Variants in ACTN1 observed in about 807,000 individuals in gnomAD.
ACTN1 encodes the protein alpha-actinin-1.
A neutral mutation model predicts 119.6 loss-of-function variants in ACTN1; 30 were observed. The observed-to-expected ratio is 0.25, with a 90% CI of 0.19 to 0.34. The LOEUF (loss-of-function observed/expected upper bound fraction) is 0.34. ACTN1 is among the 10% of genes least tolerant of loss of function. The pLI is 1.00. For synonymous variants in ACTN1, 429 were observed against 472.6 expected (o/e 0.91, Z 1.20); for missense variants, 764 against 1,223.4 (o/e 0.62, Z 5.60).
intron 1 of ACTN1, among the ~76,000 whole-genome samples, chr14:68,937,858 G>A (rs1369827278): frequency 6.6e-6 from 1 of 152,204 alleles, no homozygotes; most frequent in Non-Finnish European, 1.5e-5. Flanking sequence ...TGGGCGGGGT[G>A]TGTGAACCAG....
chr14:68,946,083 C>G (rs1303194721), intron 1 of ACTN1, among the ~76,000 whole-genome samples: 1 of 152,120 alleles, frequency 6.6e-6, no homozygotes, highest in Non-Finnish European at 1.5e-5. Context: ...CAGGCTCAGT[C>G]AGCGTGACTC....
At chr14:68,966,043 C>A (rs540243793) in intron 1 of ACTN1, among the ~76,000 whole-genome samples, 2 of 151,990 alleles carry the variant, frequency 1.3e-5, no homozygotes, top group Non-Finnish European at 2.9e-5. Flanking sequence ...CACAGCAAGA[C>A]CCTGTCCCTA....
intron 3 of ACTN1, among the ~76,000 whole-genome samples, chr14:68,915,596 G>C (rs1178525457): frequency 6.6e-6 from 1 of 152,226 alleles, no homozygotes; most frequent in Admixed American, 6.5e-5. Flanking sequence ...ACGAATGAGT[G>C]AACAAACACT....
chr14:68,888,545 G>C (rs186063838), intron 11 of ACTN1, among the ~76,000 whole-genome samples: 202 of 152,134 alleles, frequency 1.3e-3, no homozygotes, highest in Non-Finnish European at 2.2e-3. Flanking sequence ...AGGGGAACTA[G>C]AGCCAACCCC....
In ACTN1 at chr14:68,896,475, C is replaced by T. The variant is rs374085163; in HGVS notation, c.763-2728G>A. On this transcript the variant is annotated intron_variant, in intron 8 of 21. Coordinates refer to ENST00000394419, the MANE Select transcript of ACTN1 (RefSeq NM_001130004.2). The stretch of plus-strand genomic sequence containing the variant: ...GGCCGCTGGGGGTGACAGGCCTTCC[C>T]CATCACCGCAAACTCCTGGTTTTCT... Among the ~76,000 whole-genome samples the T allele has an allele frequency of 4.6e-5, 7 of 152,280 alleles. No individual in the cohort carries two copies. The South Asian group carries it at 1.0e-3, about 23-fold the overall frequency.
chr14:68,938,785 T>G (rs1236525881), intron 1 of ACTN1, among the ~76,000 whole-genome samples: 2 of 152,160 alleles, frequency 1.3e-5, no homozygotes, highest in East Asian at 3.9e-4. Context: ...TGCTCTCACT[T>G]CCCATCCACT....
At chr14:68,973,303 C>T (rs1366794104) in intron 1 of ACTN1, among the ~76,000 whole-genome samples, 2 of 152,130 alleles carry the variant, frequency 1.3e-5, no homozygotes, top group Admixed American at 6.5e-5. Flanking sequence ...TCCCATAATC[C>T]CCACATGTCG....
In ACTN1 at chr14:68,890,252, A is replaced by G. The variant is rs769605753; in HGVS notation, c.1121T>C (p.Val374Ala). 1 of 1,614,098 alleles carries G rather than the reference A, an allele frequency of 6.2e-7. No homozygotes were observed. The highest frequency in any genetic ancestry group is 8.5e-7 in the Non-Finnish European group (1 of 1,180,012). Residue 374 changes from valine (V) to alanine (A), a missense_variant, in exon 11 of 22, where the codon GTG becomes GCG. Around this residue, in one of 4 missense-constraint regions of ACTN1, gnomAD observed 544 missense variants for 912.0 expected, o/e 0.60. Coordinates refer to ENST00000394419, the MANE Select transcript of ACTN1 (RefSeq NM_001130004.2). ...CAACCACTCCTCATAGCCCTTCTCC[A>G]CCTGCTCCAGGCAGCCCCAGGCATT... ...INNAWGCLEQ[V>A]EKGYEEWLLN...
chr14:68,896,186 G>A (rs927704020), intron 8 of ACTN1, among the ~76,000 whole-genome samples: 1 of 152,122 alleles, frequency 6.6e-6, no homozygotes, highest in African/African-American at 2.4e-5. Context: ...GCAGGTTCCT[G>A]AAGTCCAGAT....
intron 1 of ACTN1, among the ~76,000 whole-genome samples, chr14:68,976,603 C>T (rs2037069527): frequency 6.6e-6 from 1 of 152,228 alleles, no homozygotes; most frequent in African/African-American, 2.4e-5. Flanking sequence ...GCCCAAAGCA[C>T]GTGTCGGCTC....
rs2031115624 is a variant in ACTN1, at chr14:68,878,263, T to C, written c.2427+195A>G. 1 of 685,982 alleles carries C rather than the reference T, an allele frequency of 1.5e-6. No individual in the cohort carries two copies. The highest frequency in any genetic ancestry group is 2.3e-6 in the Non-Finnish European group (1 of 436,436). 42.5% of individuals were successfully genotyped at this position (685,982 alleles called of 1,614,324 possible). A position where few individuals can be genotyped will look rare whatever the true frequency, so the allele number is the denominator to read the frequency against. On this transcript the variant is annotated intron_variant, in intron 20 of 21. Transcript: ENST00000394419. The surrounding 1 kb of genome is among the most constrained non-coding windows in gnomAD (Gnocchi z 4.4). ...GAGATTGAGGCGAGGAGGTCAGGCC[T>C]CCCGGATACACACACGCCCGTGGCC...
intron 1 of ACTN1, among the ~76,000 whole-genome samples, chr14:68,976,588 A>G (rs1197238996): frequency 6.6e-6 from 1 of 152,056 alleles, no homozygotes; most frequent in African/African-American, 2.4e-5. Flanking sequence ...CCCTCCATCA[A>G]CCCCGCCCAA....
At chr14:68,899,157 CCACA>C (rs1226052377) in intron 8 of ACTN1, among the ~76,000 whole-genome samples, 13 of 146,834 alleles carry the variant, frequency 8.9e-5, no homozygotes, top group African/African-American at 2.5e-4. Context: ...ACACCTCACA[CCACA>C]CACACACCTC....
chr14:68,878,581 G>C lies in ACTN1; in HGVS notation c.2362-58C>G, dbSNP rs1248188310. The C allele has an allele frequency of 6.2e-7, 1 of 1,608,286 alleles. No homozygotes were observed. The highest frequency in any genetic ancestry group is 8.5e-7 in the Non-Finnish European group (1 of 1,177,494). ...GGGTCGGGAAGGCAGGAAGAGGAAG[G>C]GCCGGCCCGGGGCCAGGAAGACAGG... On this transcript the variant is annotated intron_variant, in intron 19 of 21. Transcript: ENST00000394419. The surrounding 1 kb of genome is among the most constrained non-coding windows in gnomAD (Gnocchi z 4.4).
intron 1 of ACTN1, among the ~76,000 whole-genome samples, chr14:68,975,406 G>C (rs531663366): frequency 3.3e-5 from 5 of 152,234 alleles, no homozygotes; most frequent in African/African-American, 1.2e-4. Context: ...ATATCTGCTC[G>C]CATCAAGCCA....
chr14:68,889,945 C>T (rs1005647990), intron 11 of ACTN1, among the ~76,000 whole-genome samples, 194 bp downstream of exon 11: 3 of 152,256 alleles, frequency 2.0e-5, no homozygotes, highest in Admixed American at 1.3e-4. Flanking sequence ...GAGGTTGGTA[C>T]TATTATTATT....
chr14:68,965,969 A>C (rs2036693700), intron 1 of ACTN1, among the ~76,000 whole-genome samples: 1 of 152,198 alleles, frequency 6.6e-6, no homozygotes, highest in African/African-American at 2.4e-5. Flanking sequence ...CTGTAATCCC[A>C]GCACTTTGGG....
intron 3 of ACTN1, among the ~76,000 whole-genome samples, chr14:68,917,265 A>C (rs1230669379): frequency 6.6e-6 from 1 of 152,188 alleles, no homozygotes; most frequent in Non-Finnish European, 1.5e-5. Context: ...CTTCAGGGAC[A>C]GGGAACTCAT....
Position 68,937,779 on chromosome 14 carries a change from G to A in ACTN1, c.106-12107C>T, listed in dbSNP as rs559801981. 3.3e-5 allele frequency among the ~76,000 whole-genome samples: 5 copies of A among 152,328 alleles called. No homozygotes were observed. In the East Asian group the frequency reaches 9.6e-4, roughly 29 times the overall value. ...CCCAGGACTCTGGTCTAGGCTCATC[G>A]AGTCAAAAACAAACTCACCAGCCTC... On this transcript the variant is annotated intron_variant, in intron 1 of 21. Transcript: ENST00000394419.
Sources: gnomAD v4.1 joint callset for allele counts (sites outside exome capture counted in the v4.1 genomes callset) on GRCh38, gnomAD v4.1.1 for gene constraint, gnomAD v4.1.1 regional missense constraint, Gnocchi (gnomAD v3.1) non-coding constraint, MANE v1.5 for transcripts, NCBI Gene and HGNC (gene_info 2026-07-23, HGNC 2026-07-21) for gene names.